OCRL: variants seen among roughly 807,000 people sequenced by gnomAD.
The protein encoded by OCRL is OCRL inositol polyphosphate-5-phosphatase, also known as inositol polyphosphate 5-phosphatase OCRL.
A neutral mutation model predicts 78.9 loss-of-function variants in OCRL; 8 were observed. That is an observed-to-expected ratio of 0.10 (90% confidence interval 0.06 to 0.18). The LOEUF (loss-of-function observed/expected upper bound fraction) is 0.18, where lower values mean the gene tolerates loss of function less well. Ranked by LOEUF, OCRL falls within the 10% of genes least tolerant of loss-of-function variation. The pLI is 1.00. For synonymous variants in OCRL, 240 were observed against 235.4 expected (o/e 1.02, Z -0.18); for missense variants, 454 against 696.7 (o/e 0.65, Z 3.92).
chrX:129,550,118 G>C (rs1935939384), intron 4 of OCRL, among the ~76,000 whole-genome samples: 1 of 112,164 alleles, frequency 8.9e-6, no homozygotes. Flanking sequence ...CTGGATATTG[G>C]TGTTAAATGC....
chrX:129,562,257 T>C (rs1229521092), intron 10 of OCRL, 127 bp from the exon 11 acceptor site: 2 of 574,356 alleles, frequency 3.5e-6, no homozygotes, highest in Non-Finnish European at 6.2e-6. Flanking sequence ...CACTGAGAAA[T>C]TAGAGGATAT....
chrX:129,544,602 C>T (rs7064077), intron 2 of OCRL, among the ~76,000 whole-genome samples: 289 of 112,062 alleles, frequency 2.6e-3, no homozygotes, highest in African/African-American at 8.9e-3. Context: ...CTAGAAATTC[C>T]GTGGTGTAAA....
intron 4 of OCRL, among the ~76,000 whole-genome samples, chrX:129,553,479 C>T (rs935979679): frequency 1.8e-5 from 2 of 111,478 alleles, no homozygotes; most frequent in Admixed American, 9.5e-5. Flanking sequence ...ACTTAGAACA[C>T]GATTATATGC....
rs371099243 is a variant in OCRL, at chrX:129,540,744, A to G, written c.40A>G (p.Thr14Ala). 1.7e-5 allele frequency: 21 copies of G among 1,205,201 alleles called. No individual in the cohort carries two copies. The highest frequency in any genetic ancestry group is 1.5e-4 in the East Asian group (5 of 33,612). The change falls in exon 2 of 24, where the codon ACT becomes GCT. Residue 14 changes from threonine (T) to alanine (A), a missense_variant and splice_region_variant. Transcript: ENST00000371113. ...GGAGACCCTTGACTAGCGCCCGCAT[A>G]CTGTCGAGGGTATGGAGATGAAGGG... ...PLPVGAQPLA[T>A]VEGMEMKGPL... is the part of the protein sequence containing the mutation.
chrX:129,571,130 A>G (rs1936293602), intron 15 of OCRL, among the ~76,000 whole-genome samples: 2 of 111,952 alleles, frequency 1.8e-5, no homozygotes, highest in Admixed American at 1.9e-4. Context: ...CTATAATTCT[A>G]TAGAACTTGA....
chrX:129,556,093 G>A (rs1602779479), intron 4 of OCRL, among the ~76,000 whole-genome samples: 2 of 109,478 alleles, frequency 1.8e-5, no homozygotes, highest in South Asian at 7.7e-4. Context: ...TTTCCTTTTT[G>A]TAACTCATTT....
chrX:129,584,430 C>G, intron 19 of OCRL, 63 bp downstream of exon 19: 1 of 1,083,227 alleles, frequency 9.2e-7, no homozygotes, highest in Non-Finnish European at 1.3e-6. Flanking sequence ...TAACTGTGGT[C>G]CCTGGAATTT....
chrX:129,546,946 C>T (rs1173911387), intron 3 of OCRL, among the ~76,000 whole-genome samples: 1 of 111,386 alleles, frequency 9.0e-6, no homozygotes, highest in Non-Finnish European at 1.9e-5. Flanking sequence ...TGGCCAGGCG[C>T]GATGGCTTGC....
At chrX:129,569,479 A>G in intron 15 of OCRL, 80 bp downstream of exon 15, 1 of 1,025,510 alleles carries the variant, frequency 9.8e-7, no homozygotes. Flanking sequence ...AGAACAGATC[A>G]GTAATTCAGC....
intron 15 of OCRL, among the ~76,000 whole-genome samples, chrX:129,569,615 C>T (rs1936270603): frequency 9.0e-6 from 1 of 111,054 alleles, no homozygotes; most frequent in Admixed American, 9.6e-5. Flanking sequence ...AGATGTTTCT[C>T]ATGCTACATA....
chrX:129,572,677 C>CT (rs1569461204), intron 15 of OCRL, among the ~76,000 whole-genome samples: 1 of 112,148 alleles, frequency 8.9e-6, no homozygotes, highest in African/African-American at 3.3e-5. Flanking sequence ...CAACCCTGCA[C>CT]TTGGTACTGT....
intron 4 of OCRL, among the ~76,000 whole-genome samples, chrX:129,551,803 T>C (rs1935963858): frequency 8.9e-6 from 1 of 112,229 alleles, no homozygotes; most frequent in African/African-American, 3.2e-5. Flanking sequence ...AGTAAGTATA[T>C]TAGGAGGGTG....
At chrX:129,588,588 A>G (rs1470237089) in intron 21 of OCRL, among the ~76,000 whole-genome samples, 1 of 111,676 alleles carries the variant, frequency 9.0e-6, no homozygotes, top group African/African-American at 3.3e-5. Flanking sequence ...GGCAGGGAGA[A>G]GGATGGGAAA....
chrX:129,542,521 C>G (rs1935822517), intron 2 of OCRL, among the ~76,000 whole-genome samples: 1 of 106,892 alleles, frequency 9.4e-6, no homozygotes, highest in Admixed American at 9.7e-5. Flanking sequence ...AACTAACATT[C>G]AATGGCTGCT....
intron 18 of OCRL, among the ~76,000 whole-genome samples, chrX:129,578,515 C>T (rs2099724290): frequency 9.2e-6 from 1 of 108,928 alleles, no homozygotes; most frequent in Non-Finnish European, 1.9e-5. Flanking sequence ...CAGGAACCTA[C>T]CCTTATTTTT....
intron 18 of OCRL, among the ~76,000 whole-genome samples, chrX:129,582,684 C>T (rs989103123): frequency 1.8e-5 from 2 of 111,494 alleles, no homozygotes; most frequent in Non-Finnish European, 3.8e-5. Flanking sequence ...AAATATGTAC[C>T]TTATAAAGAC....
At chrX:129,560,506 A>C (rs761704402) in intron 8 of OCRL, 44 bp from the exon 9 acceptor site, 1 of 886,625 alleles carries the variant, frequency 1.1e-6, no homozygotes, top group East Asian at 3.2e-5. Flanking sequence ...GTTGGTTTAT[A>C]CTTGATCTTT....
rs1453389131 is a variant in OCRL, at chrX:129,590,153, C to A, written c.2589C>A (p.Leu863=). 1 of 1,211,480 alleles carries A rather than the reference C, an allele frequency of 8.3e-7. No individual in the cohort carries two copies. Among genetic ancestry groups the A allele is most frequent in the South Asian group, 1.8e-5 (1 of 56,963 alleles). The part of the protein sequence containing the change: ...NSVNANMIAT[L]FTSLLLRPPP... The stretch of plus-strand genomic sequence containing the variant: ...CTTTCTCTCGTCTTGTAGCTACTCT[C>A]TTCACTAGTCTTCTCCTGAGGCCTC... The change falls in exon 24 of 24, where the codon CTC becomes CTA. Residue 863 remains leucine, a synonymous_variant. Transcript: ENST00000371113.
intron 20 of OCRL, among the ~76,000 whole-genome samples, chrX:129,587,805 C>T (rs930573824): frequency 1.9e-4 from 21 of 108,482 alleles, no homozygotes; most frequent in Non-Finnish European, 3.8e-4. Context: ...GAGGCAGAGA[C>T]GGGCGCATTG....
Sources: gnomAD v4.1 joint callset for allele counts (sites outside exome capture counted in the v4.1 genomes callset) on GRCh38, gnomAD v4.1.1 for gene constraint, MANE v1.5 for transcripts, NCBI Gene and HGNC (gene_info 2026-07-23, HGNC 2026-07-21) for gene names.